The following ITFG1 variants were observed in gnomAD, a reference collection of about 807,000 sequenced individuals.
ITFG1 encodes integrin alpha FG-GAP repeat containing 1, also known as T-cell immunomodulatory protein.
A neutral mutation model predicts 81.8 loss-of-function variants in ITFG1; 34 were observed. That is an observed-to-expected ratio of 0.42 (90% CI 0.32 to 0.55). The LOEUF (loss-of-function observed/expected upper bound fraction) is 0.55, where lower values mean the gene tolerates loss of function less well. Among genes scored for constraint, ITFG1 ranks in the 20% least tolerant of loss-of-function variants. The probability of loss-of-function intolerance (pLI) is 0.17; values close to 1 mark genes in which losing one functional copy is unlikely to be tolerated. For missense variants in ITFG1, 672 were observed against 755.4 expected (o/e 0.89, Z 1.29); for synonymous variants, 285 against 270.6 (o/e 1.05, Z -0.52).
intron 7 of ITFG1, among the ~76,000 whole-genome samples, chr16:47,372,297 T>A (rs542430336): frequency 1.3e-5 from 2 of 152,152 alleles, no homozygotes; most frequent in African/African-American, 4.8e-5. Flanking sequence ...CAGGCTGGAG[T>A]GCAGTGGTGC....
chr16:47,185,422 A>C (rs142533369), intron 14 of ITFG1, among the ~76,000 whole-genome samples: 3,191 of 152,328 alleles, frequency 0.021, 116 homozygotes, highest in African/African-American at 0.072. Context: ...CTCTCAGACA[A>C]AGTGCAATCA....
intron 8 of ITFG1, among the ~76,000 whole-genome samples, chr16:47,348,892 T>C (rs1018955629): frequency 6.6e-6 from 1 of 151,968 alleles, no homozygotes; most frequent in African/African-American, 2.4e-5. Context: ...CAGAAGAGAG[T>C]GGGGGCCAAT....
At chr16:47,363,235 A>T (rs1400875286) in intron 8 of ITFG1, among the ~76,000 whole-genome samples, 1 of 152,180 alleles carries the variant, frequency 6.6e-6, no homozygotes, top group Non-Finnish European at 1.5e-5. Context: ...TACCTTTAAA[A>T]TCAGTTTTCT....
At chr16:47,433,587 GT>G (rs1336274214) in intron 5 of ITFG1, among the ~76,000 whole-genome samples, 1 of 151,366 alleles carries the variant, frequency 6.6e-6, no homozygotes, top group African/African-American at 2.4e-5. Context: ...AGTATTTTAA[GT>G]TTTATACTTA....
chr16:47,255,513 G>C (rs2151540370), intron 12 of ITFG1, among the ~76,000 whole-genome samples: 1 of 152,324 alleles, frequency 6.6e-6, no homozygotes, highest in Non-Finnish European at 1.5e-5. Flanking sequence ...ATCTGACTTT[G>C]AATTGGAGTT....
At chr16:47,276,070 C>CT (rs1966394570) in intron 10 of ITFG1, among the ~76,000 whole-genome samples, 1 of 151,670 alleles carries the variant, frequency 6.6e-6, no homozygotes, top group African/African-American at 2.4e-5. Context: ...TGCAATAAGA[C>CT]TAAAAAAGAA....
chr16:47,195,628 CTTATT>C (rs1276200669), intron 14 of ITFG1, among the ~76,000 whole-genome samples: 1 of 152,146 alleles, frequency 6.6e-6, no homozygotes, highest in Non-Finnish European at 1.5e-5. Context: ...CCTTGAATAA[CTTATT>C]TTAACATTTC....
chr16:47,433,857 AATATAT>A (rs4038737), intron 5 of ITFG1, among the ~76,000 whole-genome samples: 3,260 of 37,928 alleles, frequency 0.086, 105 homozygotes, highest in South Asian at 0.15. Context: ...ATAAAAACTG[AATATAT>A]ATATATATAT....
chr16:47,222,065 G>A (rs1305165373), intron 13 of ITFG1, among the ~76,000 whole-genome samples: 1 of 151,956 alleles, frequency 6.6e-6, no homozygotes, highest in Non-Finnish European at 1.5e-5. Flanking sequence ...TTTTTGAAGG[G>A]TTTTTTGTGT....
chr16:47,285,824 G>A lies in ITFG1; in HGVS notation c.1071-25129C>T, dbSNP rs368875147. 4.0e-3 allele frequency among the ~76,000 whole-genome samples: 607 copies of A among 152,236 alleles called. 31 individuals carry two copies. In the South Asian group the frequency reaches 0.095, roughly 24 times the overall value. Reference sequence around the variant, plus strand: ...TCAATTCAAAGAATTTTGTAAACACGCGTTATAATAATATTGCTTATAATT... The same window carrying A: ...TCAATTCAAAGAATTTTGTAAACACACGTTATAATAATATTGCTTATAATT... On this transcript the variant is annotated intron_variant, in intron 10 of 17. Coordinates refer to ENST00000320640, the MANE Select transcript of ITFG1 (RefSeq NM_030790.5).
Position 47,155,742 on chromosome 16 carries a change from G to A in ITFG1, c.1816C>T (p.Arg606Trp), listed in dbSNP as rs777656067. Residue 606 changes from arginine (R) to tryptophan (W), a missense_variant, in exon 18 of 18, where the codon CGG becomes TGG. Arg to Trp is a moderately radical substitution (Grantham distance 101). This residue lies in a region of ITFG1 where 65 missense variants were observed against 103.3 expected (regional missense o/e 0.63). Coordinates refer to ENST00000320640, the MANE Select transcript of ITFG1 (RefSeq NM_030790.5). ...DDREKRQEAH[R>W]FHFDAM ...AGTCACATAGCATCAAAATGAAACC[G>A]GTGGGCTTCTTGTCGTTTTTCTCTA... is the stretch of plus-strand genomic sequence containing the variant. 9 of 1,605,866 alleles carry A rather than the reference G, an allele frequency of 5.6e-6. No homozygotes were observed. The highest frequency in any genetic ancestry group is 7.7e-6 in the Non-Finnish European group (9 of 1,175,930).
chr16:47,220,966 G>A (rs1292760585), intron 13 of ITFG1, among the ~76,000 whole-genome samples: 2 of 152,122 alleles, frequency 1.3e-5, no homozygotes, highest in South Asian at 4.1e-4. Context: ...CCTCTGTTGT[G>A]TTTTAAATTG....
At chr16:47,299,113 G>A (rs1219846458) in intron 10 of ITFG1, among the ~76,000 whole-genome samples, 1 of 152,178 alleles carries the variant, frequency 6.6e-6, no homozygotes, top group Non-Finnish European at 1.5e-5. Context: ...GCTTTGACAG[G>A]CAGGAATGAG....
At chr16:47,221,506 T>G (rs1031592480) in intron 13 of ITFG1, among the ~76,000 whole-genome samples, 2 of 152,232 alleles carry the variant, frequency 1.3e-5, no homozygotes, top group African/African-American at 4.8e-5. Flanking sequence ...TGAGGATTTT[T>G]GCATCAATGT....
chr16:47,293,478 A>G (rs1184864099), intron 10 of ITFG1, among the ~76,000 whole-genome samples: 1 of 152,118 alleles, frequency 6.6e-6, no homozygotes, highest in Non-Finnish European at 1.5e-5. Context: ...CCAACAGCAT[A>G]TAAGAGTTCC....
intron 6 of ITFG1, among the ~76,000 whole-genome samples, chr16:47,396,876 C>T (rs1210834180): frequency 2.6e-5 from 4 of 152,030 alleles, no homozygotes; most frequent in African/African-American, 4.8e-5. Flanking sequence ...GTGCAGGGAA[C>T]GAACTGAGCT....
intron 12 of ITFG1, among the ~76,000 whole-genome samples, chr16:47,258,164 T>C (rs1161522644): frequency 1.3e-5 from 2 of 152,176 alleles, no homozygotes; most frequent in African/African-American, 2.4e-5. Flanking sequence ...ATCATGGTGG[T>C]AGGACAGGTG....
intron 8 of ITFG1, among the ~76,000 whole-genome samples, chr16:47,354,871 C>T (rs182834325): frequency 8.5e-4 from 129 of 152,036 alleles, no homozygotes; most frequent in Non-Finnish European, 1.6e-3. Context: ...GTTAGAGTGG[C>T]TATTATGAAA....
At chr16:47,244,591 T>TTGTGTGTGTGTG (rs57470225) in intron 12 of ITFG1, among the ~76,000 whole-genome samples, 3 of 118,146 alleles carry the variant, frequency 2.5e-5, no homozygotes, top group Non-Finnish European at 3.5e-5. Context: ...ATTCCATCTT[T>TTGTGTGTGTGTG]TGTGTGTGTG....
Sources: gnomAD v4.1 joint callset for allele counts (sites outside exome capture counted in the v4.1 genomes callset) on GRCh38, gnomAD v4.1.1 for gene constraint, gnomAD v4.1.1 regional missense constraint, MANE v1.5 for transcripts, NCBI Gene and HGNC (gene_info 2026-07-23, HGNC 2026-07-21) for gene names.